TRIM10: variants seen among roughly 807,000 people sequenced by gnomAD.
TRIM10 encodes the protein tripartite motif-containing protein 10.
In TRIM10, 42 loss-of-function variants were observed where a neutral mutation model predicts 40.0. That is an observed-to-expected ratio of 1.05 (90% CI 0.82 to 1.36). The LOEUF is 1.36. TRIM10 is among the 40% of genes most tolerant of loss of function. The pLI is 0.00. For missense variants in TRIM10, 601 were observed against 608.3 expected (o/e 0.99, Z 0.13); for synonymous variants, 260 against 239.5 (o/e 1.09, Z -0.79).
At position 30,157,377 on chromosome 6, in the gene TRIM10, A is replaced by T. The variant is rs1772645253; in HGVS notation, c.771T>A (p.Thr257=). The T allele has an allele frequency of 1.2e-6, 2 of 1,603,096 alleles. No homozygotes were observed. Among genetic ancestry groups the T allele is most frequent in the Non-Finnish European group, 1.7e-6 (2 of 1,176,428 alleles). ...ARELLTDIRS[T]LIRCETRKCR... ...GAAACTATATTGCTTACCTTATTAG[A>T]GTGCTTCTGATGTCCTAGGAGAAAG... The change falls in exon 4 of 7, where the codon ACT becomes ACA. Residue 257 remains threonine (T), a synonymous_variant. Coordinates refer to ENST00000449742, the MANE Select transcript of TRIM10 (RefSeq NM_006778.4).
intron 6 of TRIM10, 43 bp downstream of exon 6, chr6:30,155,684 C>T (rs187250043): frequency 2.0e-5 from 32 of 1,605,834 alleles, no homozygotes; most frequent in Middle Eastern, 1.7e-4. Context: ...CTCTCCTTTC[C>T]GAGGACTTCT....
rs757289413 is a variant in TRIM10 at position 30,158,431 on chromosome 6, T to G, written c.724A>C (p.Lys242Gln). ...AGCTCCCTTGCTGGCCTCTCATTCTTCTCCTCCAGTTCTTCAATAAGAGCA... is the reference window on the plus strand; with the variant it reads ...AGCTCCCTTGCTGGCCTCTCATTCTGCTCCTCCAGTTCTTCAATAAGAGCA... ...FSALIEELEE[K>Q]NERPARELLT... The change falls in exon 3 of 7, where the codon AAG (lysine) becomes CAG (glutamine). Residue 242 changes from lysine (K) to glutamine (Q), a missense_variant. Lys to Gln is a moderately conservative substitution (Grantham distance 53, BLOSUM62 1). Transcript: ENST00000449742. 8.1e-6 allele frequency: 13 copies of G among 1,612,810 alleles called. No homozygotes were observed. The highest frequency in any genetic ancestry group is 3.3e-4 in the Middle Eastern group (2 of 6,084).
rs1773012352 is a variant in TRIM10, at chr6:30,160,720, G to C, written c.139C>G (p.Pro47Ala). 6.2e-7 allele frequency: 1 copy of C among 1,614,232 alleles called. No homozygotes were observed. Among genetic ancestry groups the C allele is most frequent in the Non-Finnish European group, 8.5e-7 (1 of 1,180,036 alleles). ...GGGGACTCCTCCAGGTCTGGGCCTG[G>C]TATCTCACAGTAGCGGGTAAGGCAG... ...RACLTRYCEI[P>A]GPDLEESPTC... The change falls in exon 1 of 7, where the codon CCA becomes GCA. Residue 47 changes from proline to alanine, a missense_variant. By Grantham distance (27) the Pro-to-Ala change is conservative. Transcript: ENST00000449742.
In TRIM10 at chr6:30,154,443, G is replaced by T. The variant is rs770972869; in HGVS notation, c.972C>A (p.Leu324=). The change falls in exon 7 of 7, where the codon CTC becomes CTA. Residue 324 remains leucine, a synonymous_variant. Coordinates refer to ENST00000449742, the MANE Select transcript of TRIM10 (RefSeq NM_006778.4). The part of the protein sequence containing the change: ...LDPQTSHPKL[L]LSEDHQRAQF... ...GAGCTCGCTGGTGGTCCTCGGACAA[G>T]AGGAGCTTGGGGTGGGAAGTCTGAG... is the stretch of plus-strand genomic sequence containing the variant. The T allele has an allele frequency of 6.2e-7, 1 of 1,612,856 alleles. No individual in the cohort carries two copies. The highest frequency in any genetic ancestry group is 2.2e-5 in the East Asian group (1 of 44,878).
chr6:30,163,584 C>G (rs1773315203), upstream of TRIM10: 3 of 1,242,208 alleles, frequency 2.4e-6, no homozygotes, highest in South Asian at 4.7e-5. Flanking sequence ...GCCTTGCAGC[C>G]GTTTCCCTCT....
At chr6:30,157,546 C>T (rs1366323425) in intron 3 of TRIM10, among the ~76,000 whole-genome samples, 155 bp from the exon 4 acceptor site, 8 of 151,614 alleles carry the variant, frequency 5.3e-5, no homozygotes, top group Admixed American at 4.6e-4. Context: ...AATACAGTGG[C>T]GTGATCATGG....
chr6:30,162,396 A>G (rs1316212926), upstream of TRIM10, among the ~76,000 whole-genome samples: 1 of 149,904 alleles, frequency 6.7e-6, no homozygotes, highest in Non-Finnish European at 1.5e-5. Flanking sequence ...TGCTCAGTAG[A>G]CACATGTGGC....
Position 30,157,406 on chromosome 6 carries a change from T to G in TRIM10, c.757-15A>C, listed in dbSNP as rs1772648477. 1 of 1,591,964 alleles carries G rather than the reference T, an allele frequency of 6.3e-7. No homozygotes were observed. ...CTTCTGATGTCCTAGGAGAAAGAGA[T>G]ACCAGAAATTCAGTTTCCAGCTTCT... is the stretch of plus-strand genomic sequence containing the variant. On this transcript the variant is annotated splice_polypyrimidine_tract_variant and intron_variant, in intron 3 of 6. Coordinates refer to ENST00000449742, the MANE Select transcript of TRIM10 (RefSeq NM_006778.4).
In TRIM10 at chr6:30,158,645, G is replaced by T; in HGVS notation, c.526-16C>A. ...ACACCTGAGTCTGAGGGGGCAGGAG[G>T]CAAGCCCAAGAGAAAGTTTGCTTCC... On this transcript the variant is annotated splice_polypyrimidine_tract_variant and intron_variant, in intron 2 of 6. Transcript: ENST00000449742. The T allele has an allele frequency of 6.2e-7, 1 of 1,608,530 alleles. No homozygotes were observed. Among genetic ancestry groups the T allele is most frequent in the South Asian group, 1.1e-5 (1 of 90,952 alleles).
intron 6 of TRIM10, among the ~76,000 whole-genome samples, chr6:30,155,313 G>C (rs372995105): frequency 1.4e-5 from 2 of 144,008 alleles, no homozygotes; most frequent in African/African-American, 5.3e-5. Flanking sequence ...GGTTCCTTAC[G>C]TTCTAAAGAG....
In TRIM10 at chr6:30,160,876, G is replaced by T. The variant is rs747750238; in HGVS notation, c.-18C>A. 1 of 1,587,446 alleles carries T rather than the reference G, an allele frequency of 6.3e-7. No homozygotes were observed. Among genetic ancestry groups the T allele is most frequent in the South Asian group, 1.1e-5 (1 of 88,020 alleles). The stretch of plus-strand genomic sequence containing the variant: ...GAGGCCATGCTGGTCCTGCTGCTAT[G>T]GCTTCCTCAAGGCCACTCTCTCTGC... On this transcript the variant is annotated 5_prime_UTR_variant, in exon 1 of 7. Coordinates refer to ENST00000449742, the MANE Select transcript of TRIM10 (RefSeq NM_006778.4).
chr6:30,162,548 G>C (rs1299834149), upstream of TRIM10, among the ~76,000 whole-genome samples: 1 of 152,156 alleles, frequency 6.6e-6, no homozygotes, highest in East Asian at 1.9e-4. Flanking sequence ...CACCCAGTGG[G>C]AGAATGGGGG....
chr6:30,160,459 A>G lies in TRIM10; in HGVS notation c.400T>C (p.Phe134Leu). 1 of 1,614,046 alleles carries G rather than the reference A, an allele frequency of 6.2e-7. No individual in the cohort carries two copies. Among genetic ancestry groups the G allele is most frequent in the Non-Finnish European group, 8.5e-7 (1 of 1,179,986 alleles). ...AGEHATHTMR[F>L]LEDAAAPYRE... ...TAGGGAGCCGCTGCATCCTCCAGGA[A>G]GCGCATGGTGTGGGTAGCGTGCTCC... The change falls in exon 1 of 7, where the codon TTC (phenylalanine) becomes CTC (leucine). Residue 134 changes from phenylalanine (F) to leucine (L), a missense_variant. Transcript: ENST00000449742.
rs532828241 is a variant in TRIM10, at chr6:30,160,291, G to A, written c.429+139C>T. On this transcript the variant is annotated intron_variant, in intron 1 of 6. Transcript: ENST00000449742. ...ATAAAACATAAACACAATTTTCCATGCCTGGGTCTATTGCCTGGGTGATCA... is the reference window on the plus strand; with the variant it reads ...ATAAAACATAAACACAATTTTCCATACCTGGGTCTATTGCCTGGGTGATCA... The A allele has an allele frequency of 7.6e-5, 68 of 893,226 alleles. 2 individuals are homozygous for A. In the South Asian group the frequency reaches 1.1e-3, roughly 14 times the overall value. The allele number at this position is 893,226 out of a possible 1,614,324, so 55.3% of individuals were successfully genotyped here.
At chr6:30,157,269 TAA>T (rs1772632612) in intron 4 of TRIM10, 98 bp downstream of exon 4, 1 of 1,269,936 alleles carries the variant, frequency 7.9e-7, no homozygotes, top group African/African-American at 1.5e-5. Context: ...TTTGTATCCT[TAA>T]GTGAGAATGT....
intron 6 of TRIM10, 151 bp from the exon 7 acceptor site, chr6:30,154,637 G>A (rs1772358490): frequency 1.0e-6 from 1 of 954,964 alleles, no homozygotes; most frequent in Admixed American, 2.0e-5. Flanking sequence ...GGAACCACCT[G>A]GGAACTTGTT....
At chr6:30,155,385 C>A (rs1322725254) in intron 6 of TRIM10, among the ~76,000 whole-genome samples, 1 of 152,152 alleles carries the variant, frequency 6.6e-6, no homozygotes, top group Non-Finnish European at 1.5e-5. Context: ...TGGACTTTAT[C>A]CCATTCTGCA....
At chr6:30,155,332 A>C (rs1772428189) in intron 6 of TRIM10, among the ~76,000 whole-genome samples, 1 of 152,192 alleles carries the variant, frequency 6.6e-6, no homozygotes, top group Non-Finnish European at 1.5e-5. Context: ...AGGTGATTAT[A>C]AACCCAGATC....
Position 30,154,301 on chromosome 6 carries a change from C to G in TRIM10, c.1114G>C (p.Asp372His). ...GTGCAGCTGCCCCCATGGGCCAGGT[C>G]TATACTCACCACCCACGTGTGTCTC... is the stretch of plus-strand genomic sequence containing the variant. ...GGRHTWVVSI[D>H]LAHGGSCTVG... is the part of the protein sequence containing the mutation. The change falls in exon 7 of 7, where the codon GAC becomes CAC. Residue 372 changes from aspartate (D) to histidine (H), a missense_variant. By Grantham distance (81) the Asp-to-His change is moderately conservative. Transcript: ENST00000449742. The G allele has an allele frequency of 6.2e-7, 1 of 1,613,092 alleles. No individual in the cohort carries two copies. The highest frequency in any genetic ancestry group is 8.5e-7 in the Non-Finnish European group (1 of 1,180,024).
Sources: gnomAD v4.1 joint callset for allele counts (sites outside exome capture counted in the v4.1 genomes callset) on GRCh38, gnomAD v4.1.1 for gene constraint, MANE v1.5 for transcripts, NCBI Gene and HGNC (gene_info 2026-07-23, HGNC 2026-07-21) for gene names.